AUTS2: variants seen among roughly 807,000 people sequenced by gnomAD.
AUTS2 encodes the protein autism susceptibility gene 2 protein.
A neutral mutation model predicts 112.4 loss-of-function variants in AUTS2; 17 were observed. The observed-to-expected ratio is 0.15, with a 90% confidence interval of 0.10 to 0.23. AUTS2 has a LOEUF of 0.23. AUTS2 is among the 10% of genes least tolerant of loss of function. The pLI is 1.00. For synonymous variants in AUTS2, 751 were observed against 702.7 expected (o/e 1.07, Z -1.09); for missense variants, 1,510 against 1,701.6 (o/e 0.89, Z 1.98).
intron 2 of AUTS2, among the ~76,000 whole-genome samples, chr7:70,063,900 G>C (rs183682028): frequency 6.6e-6 from 1 of 152,090 alleles, no homozygotes; most frequent in Admixed American, 6.6e-5. Flanking sequence ...TTTTTGCTTT[G>C]ACTTTTCTTT....
intron 2 of AUTS2, among the ~76,000 whole-genome samples, chr7:70,062,131 A>G (rs969248547): frequency 1.6e-4 from 24 of 152,106 alleles, no homozygotes; most frequent in African/African-American, 5.3e-4. Flanking sequence ...TTCCTTTTAT[A>G]TAGAGAAAAC....
intron 4 of AUTS2, among the ~76,000 whole-genome samples, chr7:70,195,831 C>T (rs185262692): frequency 1.7e-3 from 264 of 152,236 alleles, no homozygotes; most frequent in South Asian, 2.9e-3. Context: ...CAATCAATTT[C>T]GGAATTCTTT....
At chr7:70,275,124 G>T (rs758019269) in intron 4 of AUTS2, among the ~76,000 whole-genome samples, 1 of 152,072 alleles carries the variant, frequency 6.6e-6, no homozygotes, top group Admixed American at 6.5e-5. Context: ...ATCACACCTC[G>T]CTGCAGCCTC....
chr7:70,298,063 A>G (rs1242903150), intron 4 of AUTS2, among the ~76,000 whole-genome samples: 1 of 151,314 alleles, frequency 6.6e-6, no homozygotes, highest in East Asian at 2.0e-4. Context: ...ACGGAATCTC[A>G]CTTTTTTGCT....
chr7:70,132,524 C>T (rs1348653107), intron 3 of AUTS2, among the ~76,000 whole-genome samples: 2 of 152,086 alleles, frequency 1.3e-5, no homozygotes, highest in African/African-American at 2.4e-5. Flanking sequence ...TACAATGCTT[C>T]GCCAGGCATG....
At chr7:70,234,215 A>T in intron 4 of AUTS2, among the ~76,000 whole-genome samples, 1 of 152,288 alleles carries the variant, frequency 6.6e-6, no homozygotes, top group Non-Finnish European at 1.5e-5. Flanking sequence ...ATATTAATGT[A>T]TTATATCATA....
At chr7:69,649,321 G>A (rs1359206665) in intron 1 of AUTS2, among the ~76,000 whole-genome samples, 2 of 152,104 alleles carry the variant, frequency 1.3e-5, no homozygotes, top group Non-Finnish European at 2.9e-5. Context: ...TTGGCTTTTG[G>A]TACACTGTGT....
At chr7:70,058,848 CAT>C (rs780108032) in intron 2 of AUTS2, among the ~76,000 whole-genome samples, 2 of 152,118 alleles carry the variant, frequency 1.3e-5, no homozygotes, top group Non-Finnish European at 2.9e-5. Flanking sequence ...TACACACACA[CAT>C]ACACTTCATT....
chr7:69,627,527 TA>T (rs1794014430), intron 1 of AUTS2, among the ~76,000 whole-genome samples: 1 of 151,326 alleles, frequency 6.6e-6, no homozygotes, highest in Non-Finnish European at 1.5e-5. Flanking sequence ...AAAAAAACAA[TA>T]AAAAAACTCA....
intron 1 of AUTS2, among the ~76,000 whole-genome samples, chr7:69,782,054 G>T (rs1319696617): frequency 6.6e-6 from 1 of 152,204 alleles, no homozygotes; most frequent in African/African-American, 2.4e-5. Context: ...AGGTTCAGTA[G>T]GTCTGAAATG....
intron 5 of AUTS2, among the ~76,000 whole-genome samples, chr7:70,509,838 AC>A (rs1417796936): frequency 6.6e-6 from 1 of 152,206 alleles, no homozygotes; most frequent in Non-Finnish European, 1.5e-5. Flanking sequence ...CAAAGCAGAT[AC>A]AAAAAAAGTG....
chr7:70,241,182 T>G (rs555046890), intron 4 of AUTS2, among the ~76,000 whole-genome samples: 1 of 152,320 alleles, frequency 6.6e-6, no homozygotes, highest in East Asian at 1.9e-4. Flanking sequence ...GATATCATTA[T>G]CAACATTGGT....
chr7:69,779,603 A>C (rs2129311613), intron 1 of AUTS2, among the ~76,000 whole-genome samples: 1 of 151,952 alleles, frequency 6.6e-6, no homozygotes, highest in East Asian at 2.0e-4. Flanking sequence ...CTCAACTAAA[A>C]ATACAAAAAT....
intron 2 of AUTS2, among the ~76,000 whole-genome samples, chr7:69,912,252 A>G (rs1462751716): frequency 6.6e-6 from 1 of 152,176 alleles, no homozygotes; most frequent in East Asian, 1.9e-4. Context: ...TAGCGAGAGT[A>G]GGCACTTCCA....
intron 1 of AUTS2, among the ~76,000 whole-genome samples, chr7:69,753,724 A>G (rs563450434): frequency 1.8e-4 from 27 of 152,324 alleles, no homozygotes; most frequent in African/African-American, 6.5e-4. Context: ...GTCAAATGTT[A>G]AAGGCTCAGG....
At chr7:70,193,051 C>G (rs1197387976) in intron 4 of AUTS2, among the ~76,000 whole-genome samples, 11 of 152,222 alleles carry the variant, frequency 7.2e-5, no homozygotes, top group Admixed American at 7.2e-4. Context: ...AAAATGTAAT[C>G]AACCAGTGGG....
chr7:70,449,231 G>A (rs761972564), intron 5 of AUTS2, among the ~76,000 whole-genome samples: 2 of 152,114 alleles, frequency 1.3e-5, no homozygotes, highest in Admixed American at 6.5e-5. Flanking sequence ...TGATAATTTC[G>A]GAGACTTCGT....
At chr7:70,100,876 G>A (rs1478072354) in intron 2 of AUTS2, among the ~76,000 whole-genome samples, 2 of 151,874 alleles carry the variant, frequency 1.3e-5, no homozygotes, top group Non-Finnish European at 2.9e-5. Context: ...ATATACATTT[G>A]TTTTTGTTTT....
At chr7:70,329,112 A>C (rs1016169537) in intron 4 of AUTS2, among the ~76,000 whole-genome samples, 2 of 151,898 alleles carry the variant, frequency 1.3e-5, no homozygotes, top group African/African-American at 4.8e-5. Flanking sequence ...TAATTACTCC[A>C]CTCCTTTTTA....
Sources: gnomAD v4.1 joint callset for allele counts (sites outside exome capture counted in the v4.1 genomes callset) on GRCh38, gnomAD v4.1.1 for gene constraint, MANE v1.5 for transcripts, NCBI Gene and HGNC (gene_info 2026-07-23, HGNC 2026-07-21) for gene names.